The following LARGE1 variants were observed in gnomAD, a reference collection of about 807,000 sequenced individuals.
LARGE1 encodes LARGE xylosyl- and glucuronyltransferase 1.
In LARGE1, 43 loss-of-function variants were observed where a neutral mutation model predicts 87.6. The observed-to-expected ratio is 0.49, with a 90% confidence interval of 0.38 to 0.63. LARGE1 has a LOEUF of 0.63. Ranked by LOEUF, LARGE1 falls within the 30% of genes least tolerant of loss-of-function variation. The probability of loss-of-function intolerance (pLI) is 0.00; values close to 1 mark genes in which losing one functional copy is unlikely to be tolerated. For synonymous variants in LARGE1, 434 were observed against 394.6 expected (o/e 1.10, Z -1.18); for missense variants, 802 against 1,000.2 (o/e 0.80, Z 2.67).
intron 7 of LARGE1, among the ~76,000 whole-genome samples, chr22:33,428,255 G>A (rs1295821814): frequency 6.6e-6 from 1 of 151,812 alleles, no homozygotes; most frequent in African/African-American, 2.4e-5. Context: ...CCTGGATCAG[G>A]CTAGGCTCAT....
chr22:33,624,910 AGAGGG>A (rs1289732294), intron 4 of LARGE1, among the ~76,000 whole-genome samples: 2 of 152,208 alleles, frequency 1.3e-5, no homozygotes, highest in African/African-American at 4.8e-5. Flanking sequence ...AAACTATCTC[AGAGGG>A]AGAATCGCAA....
At chr22:33,360,408 T>C (rs1387809058) in intron 9 of LARGE1, among the ~76,000 whole-genome samples, 2 of 149,614 alleles carry the variant, frequency 1.3e-5, no homozygotes, top group African/African-American at 2.5e-5. Context: ...CATAGTGGCA[T>C]CTGCTTCTAG....
At chr22:33,112,382 T>C in the LARGE1 span, among the ~76,000 whole-genome samples, 6 of 152,162 alleles carry the variant, frequency 3.9e-5, no homozygotes, top group East Asian at 1.2e-3. Flanking sequence ...CATCCTAGAG[T>C]TTTTAGGGGA....
intron 2 of LARGE1, among the ~76,000 whole-genome samples, chr22:33,667,690 T>A (rs1480100690): frequency 6.6e-6 from 1 of 152,260 alleles, no homozygotes; most frequent in Non-Finnish European, 1.5e-5. Context: ...GTCCTCACTG[T>A]CATCTGTTAA....
exon 12 of LARGE1, chr22:33,163,859 T>G (rs1402525911): frequency 1.3e-5 from 2 of 152,234 alleles, no homozygotes; most frequent in Admixed American, 1.3e-4. Flanking sequence ...GGCTTGTTTT[T>G]GAGGAAATTC....
intron 11 of LARGE1, among the ~76,000 whole-genome samples, chr22:33,243,982 T>TTTTTG (rs910472729): frequency 1.1e-4 from 16 of 152,138 alleles, no homozygotes; most frequent in East Asian, 9.7e-4. Flanking sequence ...GGTTTACAGT[T>TTTTTG]TTTTGTTTTG....
intron 1 of LARGE1, among the ~76,000 whole-genome samples, chr22:33,868,646 C>T (rs1314116897): frequency 1.3e-5 from 2 of 152,184 alleles, no homozygotes; most frequent in Non-Finnish European, 2.9e-5. Context: ...CAGGCAGATT[C>T]CTCCCATCAA....
rs567861995 is a variant in LARGE1, at chr22:33,780,293, T to C, written c.-82-18735A>G. 2.0e-5 allele frequency among the ~76,000 whole-genome samples: 3 copies of C among 152,290 alleles called. No individual in the cohort carries two copies. The South Asian group carries it at 6.2e-4, about 32-fold the overall frequency. On this transcript the variant is annotated intron_variant, in intron 1 of 14. Coordinates refer to ENST00000397394, the MANE Select transcript of LARGE1 (RefSeq NM_133642.5). ...GGCACTGAGGCTTGGAACTTCAACA[T>C]ATGAATTCTGGAGACAGAATTCAAC... is the stretch of plus-strand genomic sequence containing the variant.
chr22:33,150,767 G>A, the LARGE1 span, among the ~76,000 whole-genome samples: 26 of 152,212 alleles, frequency 1.7e-4, no homozygotes, highest in African/African-American at 6.0e-4. Context: ...GTACTTGTAT[G>A]GGCTTATGTG....
At chr22:33,765,531 C>T (rs953958076) in intron 1 of LARGE1, among the ~76,000 whole-genome samples, 4 of 151,766 alleles carry the variant, frequency 2.6e-5, no homozygotes, top group African/African-American at 4.8e-5. Context: ...TAGTGAAACC[C>T]GGTCTCTACT....
rs188147657 is a variant in LARGE1 at position 33,863,346 on chromosome 22, G to A, written c.-83+56649C>T. On this transcript the variant is annotated intron_variant, in intron 1 of 14. Coordinates refer to ENST00000397394, the MANE Select transcript of LARGE1 (RefSeq NM_133642.5). ...CAGTCAAGAGGGTGGGGTCCCTGCC[G>A]TCTCGGCTTGCCCAACAGTCTCCTG... 9.2e-5 allele frequency among the ~76,000 whole-genome samples: 14 copies of A among 152,288 alleles called. No individual in the cohort carries two copies. In the South Asian group the frequency reaches 1.0e-3, roughly 11 times the overall value.
At chr22:33,100,384 A>G in the LARGE1 span, among the ~76,000 whole-genome samples, 3 of 151,450 alleles carry the variant, frequency 2.0e-5, no homozygotes, top group African/African-American at 7.3e-5. Context: ...AAAAAATTAA[A>G]TAAATAAATA....
intron 1 of LARGE1, among the ~76,000 whole-genome samples, chr22:33,897,769 G>A (rs2065183118): frequency 6.6e-6 from 1 of 152,204 alleles, no homozygotes; most frequent in Admixed American, 6.5e-5. Context: ...GGACCTGTCG[G>A]TGAGACCCAT....
At chr22:33,197,224 G>C (rs757797771) in intron 11 of LARGE1, among the ~76,000 whole-genome samples, 1 of 151,986 alleles carries the variant, frequency 6.6e-6, no homozygotes, top group Non-Finnish European at 1.5e-5. Flanking sequence ...CACAAGAGTG[G>C]AAACAAAGCA....
chr22:33,371,706 C>A (rs538176855), intron 9 of LARGE1, among the ~76,000 whole-genome samples: 1 of 152,152 alleles, frequency 6.6e-6, no homozygotes, highest in African/African-American at 2.4e-5. Context: ...AAATGTTTGC[C>A]GGGCGCGGTG....
intron 1 of LARGE1, among the ~76,000 whole-genome samples, chr22:33,819,868 T>C (rs1280731036): frequency 6.6e-6 from 1 of 152,218 alleles, no homozygotes; most frequent in Non-Finnish European, 1.5e-5. Context: ...AGACACTTCC[T>C]AGCCTCTATA....
chr22:33,215,902 G>A (rs1443899450), intron 11 of LARGE1, among the ~76,000 whole-genome samples: 1 of 152,060 alleles, frequency 6.6e-6, no homozygotes, highest in Non-Finnish European at 1.5e-5. Flanking sequence ...GTTGCAGTGA[G>A]CCGAGATCAT....
chr22:33,665,648 T>G (rs932283614), intron 2 of LARGE1, among the ~76,000 whole-genome samples: 1 of 152,114 alleles, frequency 6.6e-6, no homozygotes, highest in African/African-American at 2.4e-5. Flanking sequence ...ATTCCAGCAC[T>G]TTGGGAGGCT....
chr22:33,659,719 C>A (rs9607071), intron 2 of LARGE1, among the ~76,000 whole-genome samples: 2 of 139,476 alleles, frequency 1.4e-5, no homozygotes, highest in Non-Finnish European at 3.0e-5. Flanking sequence ...GGAGACAGAT[C>A]TTCTGACAAA....
Sources: gnomAD v4.1 joint callset for allele counts (sites outside exome capture counted in the v4.1 genomes callset) on GRCh38, gnomAD v4.1.1 for gene constraint, MANE v1.5 for transcripts, NCBI Gene and HGNC (gene_info 2026-07-23, HGNC 2026-07-21) for gene names.